The following GPC5 variants were observed in gnomAD, a reference collection of about 807,000 sequenced individuals.
GPC5 encodes glypican-5.
Under a neutral mutation model 53.9 loss-of-function variants are expected in GPC5, and 47 were observed. The observed-to-expected ratio is 0.87, with a 90% CI of 0.69 to 1.11. The LOEUF is 1.11. Ranked by LOEUF, GPC5 falls within the 50% of genes most tolerant of loss-of-function variation. The pLI, the probability that GPC5 is intolerant of heterozygous loss-of-function variation, is 0.00. For synonymous variants in GPC5, 286 were observed against 263.3 expected, an observed-to-expected ratio of 1.09 and a Z score of -0.84; for missense variants, 748 against 713.1, an observed-to-expected ratio of 1.05 and a Z score of -0.56.
intron 7 of GPC5, among the ~76,000 whole-genome samples, chr13:92,420,996 G>T (rs1876532425): frequency 6.6e-6 from 1 of 152,164 alleles, no homozygotes; most frequent in African/African-American, 2.4e-5. Context: ...AGCCACAAAT[G>T]GAATGATACC....
intron 7 of GPC5, among the ~76,000 whole-genome samples, chr13:92,166,944 TCTCTCTCTCTCTCACACACACACACA>T (rs757987754): frequency 2.0e-4 from 26 of 130,672 alleles, no homozygotes; most frequent in South Asian, 9.6e-4. Context: ...TCTCTCTCTC[TCTCTCTCTCTCTCACACACACACACA>T]CACACACACA....
intron 5 of GPC5, among the ~76,000 whole-genome samples, chr13:91,823,111 C>A (rs1459731123): frequency 6.6e-6 from 1 of 151,858 alleles, no homozygotes; most frequent in Non-Finnish European, 1.5e-5. Context: ...AAGGTTGAAC[C>A]AATAAAGTAT....
At chr13:92,015,667 T>C (rs1314985376) in intron 6 of GPC5, among the ~76,000 whole-genome samples, 1 of 152,162 alleles carries the variant, frequency 6.6e-6, no homozygotes, top group Non-Finnish European at 1.5e-5. Flanking sequence ...CTAGTAAGCT[T>C]TTTAATTCTG....
At chr13:91,833,419 A>C (rs1452670796) in intron 5 of GPC5, among the ~76,000 whole-genome samples, 1 of 151,998 alleles carries the variant, frequency 6.6e-6, no homozygotes, top group Non-Finnish European at 1.5e-5. Context: ...TGATAACAAA[A>C]CCTGGCAAAG....
intron 6 of GPC5, among the ~76,000 whole-genome samples, chr13:92,023,694 ACT>A (rs5805724): frequency 0.032 from 4,721 of 147,940 alleles, 131 homozygotes; most frequent in East Asian, 0.079. Flanking sequence ...ACACACACAC[ACT>A]CTCTCTCTCT....
chr13:92,003,904 A>G (rs2040579806), intron 6 of GPC5, among the ~76,000 whole-genome samples: 1 of 152,178 alleles, frequency 6.6e-6, no homozygotes, highest in South Asian at 2.1e-4. Context: ...TGAGAAGATT[A>G]AAAACAAGCC....
intron 2 of GPC5, among the ~76,000 whole-genome samples, chr13:91,458,975 C>T (rs1191559283): frequency 7.2e-5 from 11 of 151,998 alleles, no homozygotes; most frequent in Admixed American, 6.5e-4. Context: ...AACCAAACAT[C>T]GTATGTTCTC....
chr13:92,139,609 GT>G (rs2041813991), intron 6 of GPC5, among the ~76,000 whole-genome samples: 1 of 145,410 alleles, frequency 6.9e-6, no homozygotes, highest in Non-Finnish European at 1.5e-5. Context: ...AGAGGTTGCA[GT>G]GAGCCAAGAC....
At chr13:92,533,862 A>G (rs140897083) in intron 7 of GPC5, among the ~76,000 whole-genome samples, 1 of 152,316 alleles carries the variant, frequency 6.6e-6, no homozygotes, top group African/African-American at 2.4e-5. Flanking sequence ...AATATTTAAG[A>G]TTGGAACTGT....
chr13:92,005,996 C>T (rs72633776), intron 6 of GPC5, among the ~76,000 whole-genome samples: 2,807 of 152,178 alleles, frequency 0.018, 55 homozygotes, highest in African/African-American at 0.046. Context: ...AAAAGACCCA[C>T]AAAAGTCTAT....
intron 5 of GPC5, among the ~76,000 whole-genome samples, chr13:91,897,969 G>A (rs548688600): frequency 6.6e-6 from 1 of 152,152 alleles, no homozygotes; most frequent in Admixed American, 6.5e-5. Flanking sequence ...TATTCTCTAT[G>A]AGGGATAAAA....
At chr13:91,669,711 A>G (rs1162392607) in intron 2 of GPC5, among the ~76,000 whole-genome samples, 5 of 152,154 alleles carry the variant, frequency 3.3e-5, no homozygotes, top group Non-Finnish European at 5.9e-5. Flanking sequence ...CTATGTCTAT[A>G]TTCTGTATTA....
At chr13:92,385,373 C>CACAT (rs2043786017) in intron 7 of GPC5, among the ~76,000 whole-genome samples, 1 of 78,584 alleles carries the variant, frequency 1.3e-5, no homozygotes, top group African/African-American at 5.0e-5. Flanking sequence ...CATATATATA[C>CACAT]ATATATACAT....
rs181877193 is a variant in GPC5, at chr13:91,419,724, G to A, written c.163+20515G>A. Reference sequence around the variant, plus strand: ...ATAAAATTGTGCCTGGTAACAAGACGTATTAGATTGAAATTGAGATATGTT... The same window carrying A: ...ATAAAATTGTGCCTGGTAACAAGACATATTAGATTGAAATTGAGATATGTT... On this transcript the variant is annotated intron_variant, in intron 1 of 7. Coordinates refer to ENST00000377067, the MANE Select transcript of GPC5 (RefSeq NM_004466.6). 9.2e-5 allele frequency among the ~76,000 whole-genome samples: 14 copies of A among 152,234 alleles called. No homozygotes were observed. In the East Asian group the frequency reaches 2.1e-3, roughly 23 times the overall value.
At chr13:91,692,949 A>G (rs953237025) in intron 2 of GPC5, among the ~76,000 whole-genome samples, 1 of 152,224 alleles carries the variant, frequency 6.6e-6, no homozygotes, top group East Asian at 1.9e-4. Flanking sequence ...TGGTGATTTC[A>G]TTACTTTTAA....
intron 2 of GPC5, among the ~76,000 whole-genome samples, chr13:91,548,703 C>A (rs779792712): frequency 1.6e-4 from 25 of 152,176 alleles, no homozygotes; most frequent in Non-Finnish European, 3.4e-4. Context: ...GACCTCAAGA[C>A]TTTCTATAAA....
intron 5 of GPC5, among the ~76,000 whole-genome samples, chr13:91,775,195 A>G (rs2037690892): frequency 6.6e-6 from 1 of 152,208 alleles, no homozygotes; most frequent in Admixed American, 6.5e-5. Context: ...AAGCGAAGTT[A>G]TATCTACATT....
intron 1 of GPC5, among the ~76,000 whole-genome samples, chr13:91,445,215 T>C (rs1226877388): frequency 6.6e-6 from 1 of 152,180 alleles, no homozygotes; most frequent in Non-Finnish European, 1.5e-5. Context: ...CAAATCCAGA[T>C]TGCTAGTATT....
chr13:92,678,342 T>A (rs190515250), intron 7 of GPC5, among the ~76,000 whole-genome samples: 3 of 152,286 alleles, frequency 2.0e-5, no homozygotes, highest in Non-Finnish European at 4.4e-5. Flanking sequence ...TCTCAAACTA[T>A]TATAAAACAG....
Sources: allele counts gnomAD v4.1 joint callset (sites outside exome capture counted in the v4.1 genomes callset), GRCh38; gene constraint gnomAD v4.1.1; transcripts MANE v1.5; gene names NCBI Gene and HGNC (gene_info 2026-07-23, HGNC 2026-07-21).